The following CYFIP1 variants were observed in gnomAD, a reference collection of about 807,000 sequenced individuals.
CYFIP1 encodes cytoplasmic FMR1-interacting protein 1.
CYFIP1 carries 58 observed loss-of-function variants against 163.5 expected under a neutral mutation model. That is an observed-to-expected ratio of 0.35 (90% CI 0.29 to 0.44). The LOEUF is 0.44. Ranked by LOEUF, CYFIP1 falls within the 20% of genes least tolerant of loss-of-function variation. The pLI is 1.00. For missense variants in CYFIP1, 1,338 were observed against 1,653.8 expected, an observed-to-expected ratio of 0.81 and a Z score of 3.31; for synonymous variants, 663 against 660.7, an observed-to-expected ratio of 1.00 and a Z score of -0.05.
chr15:22,960,395 G>C (rs2062635099), intron 1 of CYFIP1, among the ~76,000 whole-genome samples: 1 of 152,234 alleles, frequency 6.6e-6, no homozygotes, highest in African/African-American at 2.4e-5. Flanking sequence ...CAGGCACCTT[G>C]CCGGAGACGT....
At chr15:22,920,309 C>T (rs771950520) in intron 13 of CYFIP1, among the ~76,000 whole-genome samples, 1 of 151,850 alleles carries the variant, frequency 6.6e-6, no homozygotes, top group Non-Finnish European at 1.5e-5. Context: ...GTTCTATAAG[C>T]ATGCACTACC....
intron 1 of CYFIP1, among the ~76,000 whole-genome samples, chr15:22,956,163 C>T (rs947814335): frequency 3.9e-5 from 6 of 151,974 alleles, no homozygotes; most frequent in Non-Finnish European, 8.8e-5. Flanking sequence ...GCTGAGATCG[C>T]GCCACTGCAC....
chr15:22,931,841 A>C (rs779246868), intron 11 of CYFIP1, among the ~76,000 whole-genome samples: 7 of 152,068 alleles, frequency 4.6e-5, no homozygotes, highest in Non-Finnish European at 1.0e-4. Context: ...CCATAAGATT[A>C]TAATACCATC....
At chr15:22,937,897 C>T (rs2061767645) in intron 8 of CYFIP1, among the ~76,000 whole-genome samples, 1 of 152,178 alleles carries the variant, frequency 6.6e-6, no homozygotes, top group South Asian at 2.1e-4. Context: ...AGCCACCGTG[C>T]CCAGTCACAA....
At chr15:22,892,537 T>C (rs1220395188) in intron 23 of CYFIP1, among the ~76,000 whole-genome samples, 1 of 152,172 alleles carries the variant, frequency 6.6e-6, no homozygotes, top group African/African-American at 2.4e-5. Flanking sequence ...CTGAGCCTCT[T>C]CCACTTGTCT....
chr15:22,871,508 G>C (rs2059432441), intron 30 of CYFIP1, among the ~76,000 whole-genome samples: 1 of 152,204 alleles, frequency 6.6e-6, no homozygotes, highest in African/African-American at 2.4e-5. Context: ...GGAAATGGAG[G>C]AGTGGGAGGC....
chr15:22,908,186 T>G (rs1033635437), intron 21 of CYFIP1, among the ~76,000 whole-genome samples: 2 of 152,144 alleles, frequency 1.3e-5, no homozygotes, highest in Non-Finnish European at 2.9e-5. Context: ...CACAGCAGTG[T>G]GTGAAGACTC....
intron 30 of CYFIP1, among the ~76,000 whole-genome samples, chr15:22,872,178 C>T (rs2059450371): frequency 6.6e-6 from 1 of 151,428 alleles, no homozygotes. Context: ...GCCTATAATC[C>T]CAGCTACTCG....
chr15:22,978,948 C>G (rs75091020), intron 1 of CYFIP1, among the ~76,000 whole-genome samples: 2 of 152,070 alleles, frequency 1.3e-5, no homozygotes, highest in African/African-American at 4.8e-5. Context: ...CATGCACCTG[C>G]TACAGCTCAC....
chr15:22,958,157 C>G (rs1480813250), intron 1 of CYFIP1, among the ~76,000 whole-genome samples: 1 of 151,074 alleles, frequency 6.6e-6, no homozygotes, highest in Non-Finnish European at 1.5e-5. Flanking sequence ...GCAATCTCGG[C>G]TCACTGCAAC....
chr15:22,965,020 G>A (rs192344214), intron 1 of CYFIP1, among the ~76,000 whole-genome samples: 3 of 148,584 alleles, frequency 2.0e-5, no homozygotes, highest in African/African-American at 7.5e-5. Context: ...CTTTTTAAAG[G>A]CTGAATAGTA....
chr15:22,976,693 A>C (rs913717617), intron 1 of CYFIP1, among the ~76,000 whole-genome samples: 1 of 152,170 alleles, frequency 6.6e-6, no homozygotes, highest in African/African-American at 2.4e-5. Context: ...TACTGCGCCT[A>C]ATTTGTAAAT....
chr15:22,884,705 C>A (rs1385185099), intron 23 of CYFIP1, among the ~76,000 whole-genome samples: 1 of 152,148 alleles, frequency 6.6e-6, no homozygotes, highest in Non-Finnish European at 1.5e-5. Flanking sequence ...GTGTGTGGGG[C>A]TCCAACCCCC....
intron 22 of CYFIP1, 84 bp from the exon 23 acceptor site, chr15:22,893,061 T>C (rs2060123247): frequency 1.1e-6 from 1 of 948,948 alleles, no homozygotes; most frequent in Non-Finnish European, 1.6e-6. Flanking sequence ...ATAATCCATC[T>C]ACTAAATCTT....
At chr15:22,874,328 C>T (rs1013659948) in intron 28 of CYFIP1, among the ~76,000 whole-genome samples, 12 of 152,232 alleles carry the variant, frequency 7.9e-5, no homozygotes, top group Non-Finnish European at 1.6e-4. Context: ...GCCTTACGTG[C>T]CAGGTGATGT....
chr15:22,928,052 G>A lies in CYFIP1; in HGVS notation c.1111-24C>T, dbSNP rs775151633. ...ACCTGCACAAGGCGGGCACGGCCCC[G>A]TGAGAAACCAGCGCCCCCACCCAGC... is the stretch of plus-strand genomic sequence containing the variant. On this transcript the variant is annotated intron_variant, in intron 11 of 30. Coordinates refer to ENST00000617928, the MANE Select transcript of CYFIP1 (RefSeq NM_014608.6). 11 of 1,487,568 alleles carry A rather than the reference G, an allele frequency of 7.4e-6. No individual in the cohort carries two copies. In the Admixed American group the frequency reaches 8.2e-5, roughly 11 times the overall value. 92.1% of individuals were successfully genotyped at this position (1,487,568 alleles called of 1,614,324 possible).
chr15:22,881,974 A>C (rs751498042), intron 24 of CYFIP1, 38 bp from the exon 25 acceptor site: 4 of 1,580,478 alleles, frequency 2.5e-6, no homozygotes, highest in Non-Finnish European at 2.6e-6. Context: ...CAGCCACCCC[A>C]CTCCGCTCTG....
chr15:22,879,568 A>T (rs1330262825), intron 26 of CYFIP1, among the ~76,000 whole-genome samples: 1 of 152,144 alleles, frequency 6.6e-6, no homozygotes, highest in Non-Finnish European at 1.5e-5. Flanking sequence ...TCAACTGCTC[A>T]GCGGCCTCAG....
chr15:22,928,415 AT>A, intron 11 of CYFIP1, among the ~76,000 whole-genome samples: 1 of 151,248 alleles, frequency 6.6e-6, no homozygotes, highest in Non-Finnish European at 1.5e-5. Flanking sequence ...AAATAAATAA[AT>A]AAATAAATAA....
Sources: gnomAD v4.1 joint callset for allele counts (sites outside exome capture counted in the v4.1 genomes callset) on GRCh38, gnomAD v4.1.1 for gene constraint, MANE v1.5 for transcripts, NCBI Gene and HGNC (gene_info 2026-07-23, HGNC 2026-07-21) for gene names.